USP54: variants seen among roughly 807,000 people sequenced by gnomAD.
USP54 encodes ubiquitin carboxyl-terminal hydrolase 54.
Under a neutral mutation model 170.5 loss-of-function variants are expected in USP54, and 87 were observed. The ratio of observed to expected loss-of-function variants is 0.51; its 90% CI spans 0.43 to 0.61. The LOEUF (loss-of-function observed/expected upper bound fraction) is 0.61, where lower values mean the gene tolerates loss of function less well. USP54 is among the 20% of genes least tolerant of loss of function. USP54 has a pLI of 0.00. For missense variants in USP54, 1,786 were observed against 2,047.8 expected, an observed-to-expected ratio of 0.87 and a Z score of 2.47; for synonymous variants, 655 against 742.8, an observed-to-expected ratio of 0.88 and a Z score of 1.92.
At chr10:73,505,505 C>A (rs143628135) in intron 20 of USP54, 79 bp from the exon 21 acceptor site, 1 of 1,096,592 alleles carries the variant, frequency 9.1e-7, no homozygotes, top group East Asian at 2.4e-5. Flanking sequence ...AGCACAAACT[C>A]AGGAGCTGTT....
intron 17 of USP54, 53 bp from the exon 18 acceptor site, chr10:73,521,080 G>T: frequency 1.2e-6 from 2 of 1,606,334 alleles, no homozygotes. Context: ...AAATTTTCCT[G>T]TGTACTGTTG....
chr10:73,610,660 GA>G (rs5786113), intron 1 of USP54, among the ~76,000 whole-genome samples: 41,874 of 145,376 alleles, frequency 0.29, 11,258 homozygotes, highest in African/African-American at 0.7. Flanking sequence ...TCAGGAAAAA[GA>G]AAAAAAAAAG....
At chr10:73,515,744 G>C (rs1203944442) in intron 20 of USP54, 2 of 150,204 alleles carry the variant, frequency 1.3e-5, no homozygotes, top group Non-Finnish European at 3.0e-5. Context: ...ATTTCATGCT[G>C]TCATGCTGAA....
In USP54 at chr10:73,530,849, G is replaced by A. The variant is rs774491608; in HGVS notation, c.1316-14C>T. On this transcript the variant is annotated splice_polypyrimidine_tract_variant and intron_variant, in intron 12 of 23. Coordinates refer to ENST00000687698, the MANE Select transcript of USP54 (RefSeq NM_001391956.1). ...CAGTCAGGTGTCCTGAAAAAACAAG[G>A]AAATTGGGGTAAGCTGGTATCTGAG... The A allele has an allele frequency of 6.2e-7, 1 of 1,613,612 alleles. No homozygotes were observed. Among genetic ancestry groups the A allele is most frequent in the South Asian group, 1.1e-5 (1 of 91,002 alleles).
chr10:73,624,198 A>ATATATATGT (rs1554955712), intron 1 of USP54, among the ~76,000 whole-genome samples: 1 of 102,494 alleles, frequency 9.8e-6, no homozygotes, highest in African/African-American at 4.1e-5. Flanking sequence ...ATATATATGT[A>ATATATATGT]TTTTTTTTTT....
At chr10:73,516,225 C>G in intron 20 of USP54, 150 bp downstream of exon 20, 1 of 908,958 alleles carries the variant, frequency 1.1e-6, no homozygotes. Flanking sequence ...AGGTCTTGTC[C>G]TGAAGGCTTT....
chr10:73,526,434 A>T lies in USP54; in HGVS notation c.2194+213T>A, dbSNP rs184123892. 4.1e-3 allele frequency among the ~76,000 whole-genome samples: 626 copies of T among 152,180 alleles called. 5 individuals carry two copies. The highest frequency in any genetic ancestry group is 7.7e-3 in the Non-Finnish European group (523 of 67,984). On this transcript the variant is annotated intron_variant, in intron 16 of 23. Coordinates refer to ENST00000687698, the MANE Select transcript of USP54 (RefSeq NM_001391956.1). ...GTTAATTTTTTGTATTTTAGTAGAG[A>T]CGGGGTTTCACCATGTTGCCCAGGC...
chr10:73,534,523 C>A, intron 12 of USP54, 77 bp downstream of exon 12: 4 of 1,519,968 alleles, frequency 2.6e-6, no homozygotes, highest in Non-Finnish European at 3.6e-6. Flanking sequence ...CTGCGCCTGG[C>A]CTCACAGTTT....
At chr10:73,507,156 T>C (rs181366050) in intron 20 of USP54, 21 of 151,992 alleles carry the variant, frequency 1.4e-4, no homozygotes, top group South Asian at 8.3e-4. Flanking sequence ...TTTATGTATA[T>C]GTAGGTCTAC....
chr10:73,534,548 A>C, intron 12 of USP54, 52 bp downstream of exon 12: 1 of 1,576,906 alleles, frequency 6.3e-7, no homozygotes, highest in South Asian at 1.2e-5. Context: ...TTCTTAGGAG[A>C]TCTATGCAGG....
At chr10:73,576,519 A>AG (rs1386922683) in intron 1 of USP54, among the ~76,000 whole-genome samples, 158 bp from the exon 2 acceptor site, 2 of 152,008 alleles carry the variant, frequency 1.3e-5, no homozygotes, top group African/African-American at 4.8e-5. Context: ...AAAAAAAAAA[A>AG]AGAGAGAGAC....
At chr10:73,579,978 C>T (rs562649081) in intron 1 of USP54, among the ~76,000 whole-genome samples, 21 of 152,188 alleles carry the variant, frequency 1.4e-4, no homozygotes, top group African/African-American at 5.1e-4. Flanking sequence ...CTGACAATAA[C>T]AAGTGCCGAT....
intron 17 of USP54, among the ~76,000 whole-genome samples, chr10:73,523,028 C>A (rs1273871545): frequency 6.6e-6 from 1 of 152,184 alleles, no homozygotes; most frequent in Non-Finnish European, 1.5e-5. Context: ...TCTTTTGGTA[C>A]AAAGTGACAT....
chr10:73,504,967 G>A lies in USP54; in HGVS notation c.4194C>T (p.Ser1398=). Residue 1398 remains serine (S), a synonymous_variant, in exon 22 of 24, where the codon AGC becomes AGT. Coordinates refer to ENST00000687698, the MANE Select transcript of USP54 (RefSeq NM_001391956.1). ...TSQATPCRGL[S]RECGEDEQYS... is the part of the protein sequence containing the mutation. ...ACTGCTCATCCTCCCCACACTCCCT[G>A]CTGAGGCCTCGGCAAGGTGTAGCCT... is the stretch of plus-strand genomic sequence containing the variant. 1 of 1,614,122 alleles carries A rather than the reference G, an allele frequency of 6.2e-7. No homozygotes were observed. Among genetic ancestry groups the A allele is most frequent in the Non-Finnish European group, 8.5e-7 (1 of 1,180,036 alleles).
intron 20 of USP54, among the ~76,000 whole-genome samples, chr10:73,509,650 T>A (rs1011834963): frequency 3.3e-5 from 5 of 151,696 alleles, no homozygotes; most frequent in African/African-American, 1.2e-4. Context: ...TTCTGAGAGA[T>A]ACATGCCAAA....
intron 20 of USP54, chr10:73,506,852 A>G (rs2059215460): frequency 1.3e-5 from 2 of 152,158 alleles, no homozygotes. Flanking sequence ...AATAAAAAAT[A>G]TATTTATCCT....
At chr10:73,566,875 T>TTTTTG (rs1164482364) in intron 4 of USP54, among the ~76,000 whole-genome samples, 1 of 151,916 alleles carries the variant, frequency 6.6e-6, no homozygotes, top group East Asian at 1.9e-4. Flanking sequence ...TTCTTTTGTT[T>TTTTTG]TTTTGTTTTG....
At chr10:73,505,655 G>C in intron 20 of USP54, 1 of 342,824 alleles carries the variant, frequency 2.9e-6, no homozygotes, top group Non-Finnish European at 5.4e-6. Context: ...CAGATCACGA[G>C]GTCAGGAGAT....
chr10:73,602,563 A>T (rs2079258286), intron 1 of USP54, among the ~76,000 whole-genome samples: 1 of 150,626 alleles, frequency 6.6e-6, no homozygotes, highest in African/African-American at 2.4e-5. Flanking sequence ...AAAAAAAAAA[A>T]ATAGTATAAT....
Sources: gnomAD v4.1 joint callset for allele counts (sites outside exome capture counted in the v4.1 genomes callset) on GRCh38, gnomAD v4.1.1 for gene constraint, MANE v1.5 for transcripts, NCBI Gene and HGNC (gene_info 2026-07-23, HGNC 2026-07-21) for gene names.